Variants in FAM20C observed in about 807,000 individuals in gnomAD.
FAM20C encodes FAM20C golgi associated secretory pathway kinase, also known as extracellular serine/threonine protein kinase FAM20C.
FAM20C carries 40 observed loss-of-function variants against 51.5 expected under a neutral mutation model. The ratio of observed to expected loss-of-function variants is 0.78; its 90% confidence interval spans 0.60 to 1.01. FAM20C has a LOEUF of 1.01. FAM20C is among the 50% of genes least tolerant of loss of function. The probability of loss-of-function intolerance (pLI) is 0.00; values close to 1 mark genes in which losing one functional copy is unlikely to be tolerated. For missense variants in FAM20C, 861 were observed against 844.7 expected (o/e 1.02, Z -0.24); for synonymous variants, 406 against 380.6 (o/e 1.07, Z -0.78).
Position 193,041 on chromosome 7 carries a change from G to T in FAM20C, c.-159G>T. ...GGGACCCAGCGCTCCGGCGGCGGGC[G>T]CCCTGCACGCGGCCCGGGCCCGGGG... On this transcript the variant is annotated 5_prime_UTR_variant, in exon 1 of 10. Coordinates refer to ENST00000313766, the MANE Select transcript of FAM20C (RefSeq NM_020223.4). 1 of 398,456 alleles carries T rather than the reference G, an allele frequency of 2.5e-6. No individual in the cohort carries two copies. The highest frequency in any genetic ancestry group is 3.8e-6 in the Non-Finnish European group (1 of 266,046). 24.7% of individuals were successfully genotyped at this position (398,456 alleles called of 1,614,324 possible). A position where few individuals can be genotyped will look rare whatever the true frequency, so the allele number is the denominator to read the frequency against.
At chr7:259,005 A>C (rs937718501) in intron 9 of FAM20C, among the ~76,000 whole-genome samples, 1 of 152,224 alleles carries the variant, frequency 6.6e-6, no homozygotes, top group African/African-American at 2.4e-5. Context: ...CAGCTGAGAC[A>C]CAGGGACCCT....
In FAM20C at chr7:258,716, TGCCGGAGCCG is replaced by T. The variant is rs1173167890; in HGVS notation, c.1505+14_1505+23del. 1 of 1,533,514 alleles carries T rather than the reference TGCCGGAGCCG, an allele frequency of 6.5e-7. No homozygotes were observed. Among genetic ancestry groups the T allele is most frequent in the Non-Finnish European group, 8.7e-7 (1 of 1,144,588 alleles). 95.0% of individuals were successfully genotyped at this position (1,533,514 alleles called of 1,614,324 possible). ...ACAGCAGTGCTGCAGGTACAGCCCC[TGCCGGAGCCG>T]GCTCCAGCTCCACCCTCCTCCCTAC... is the stretch of plus-strand genomic sequence containing the variant. On this transcript the variant is annotated intron_variant, in intron 9 of 9. Transcript: ENST00000313766.
Position 208,953 on chromosome 7 carries a change from G to A in FAM20C, c.840G>A (p.Gly280=). The part of the protein sequence containing the change: ...LKLIMTFQNY[G]QALFKPMKQT... ...TCATCATGACCTTCCAGAATTACGG[G>A]CAAGCGCTGTTCAAACCCATGAAGT... The change falls in exon 3 of 10, where the codon GGG becomes GGA. Residue 280 remains glycine, a synonymous_variant. Coordinates refer to ENST00000313766, the MANE Select transcript of FAM20C (RefSeq NM_020223.4). The A allele has an allele frequency of 3.2e-6, 5 of 1,585,634 alleles. No individual in the cohort carries two copies. The highest frequency in any genetic ancestry group is 2.3e-5 in the South Asian group (2 of 86,482).
chr7:211,781 A>G (rs1216097514), intron 3 of FAM20C, among the ~76,000 whole-genome samples: 4 of 152,242 alleles, frequency 2.6e-5, no homozygotes, highest in Admixed American at 2.6e-4. Context: ...GGAAAGGGAA[A>G]GGATACGTCC....
intron 2 of FAM20C, among the ~76,000 whole-genome samples, chr7:208,658 G>A (rs574625532): frequency 6.6e-6 from 1 of 152,068 alleles, no homozygotes; most frequent in South Asian, 2.1e-4. Context: ...TAGGGGTCAG[G>A]CCCTTGGGTC....
At chr7:259,545 T>C (rs1788794261) in intron 9 of FAM20C, among the ~76,000 whole-genome samples, 186 bp from the exon 10 acceptor site, 4 of 152,184 alleles carry the variant, frequency 2.6e-5, no homozygotes, top group East Asian at 1.9e-4. Flanking sequence ...TCTCTCTCCC[T>C]CTCTTTCTCT....
At chr7:227,037 C>T (rs1008750955) in intron 3 of FAM20C, among the ~76,000 whole-genome samples, 1 of 152,222 alleles carries the variant, frequency 6.6e-6, no homozygotes, top group South Asian at 2.1e-4. Flanking sequence ...CTCCCCAGGC[C>T]GTCCGACCCT....
At chr7:212,892 G>A (rs28759272) in intron 3 of FAM20C, among the ~76,000 whole-genome samples, 18 of 152,108 alleles carry the variant, frequency 1.2e-4, no homozygotes, top group East Asian at 9.7e-4. Context: ...GTTCATCACC[G>A]CAGTTGATTT....
intron 3 of FAM20C, among the ~76,000 whole-genome samples, chr7:230,657 A>C (rs904998084): frequency 6.6e-6 from 1 of 152,212 alleles, no homozygotes; most frequent in African/African-American, 2.4e-5. Flanking sequence ...GCCTGGTATT[A>C]GATGAGTCGC....
intron 5 of FAM20C, among the ~76,000 whole-genome samples, chr7:249,237 TCGGCGAA>T (rs1403452158): frequency 2.6e-5 from 4 of 152,018 alleles, no homozygotes; most frequent in Admixed American, 6.6e-5. Flanking sequence ...CTCCCCCGCC[TCGGCGAA>T]GTGGCTGGAC....
chr7:193,726 C>G lies in FAM20C; in HGVS notation c.527C>G (p.Pro176Arg), dbSNP rs1226660428. The G allele has an allele frequency of 6.5e-7, 1 of 1,547,406 alleles. No homozygotes were observed. The highest frequency in any genetic ancestry group is 1.2e-5 in the South Asian group (1 of 83,968). The change falls in exon 1 of 10, where the codon CCG becomes CGG. Residue 176 changes from proline to arginine, a missense_variant. Physicochemically the swap from Pro to Arg is moderately radical, Grantham distance 103. Transcript: ENST00000313766. ...CCGCTTTACCGGGTGGCGGTTCCGC[C>G]GCTCACGGAGGAGGACGTCCTGTTC... ...EHPLYRVAVP[P>R]LTEEDVLFNV...
chr7:236,481 G>A lies in FAM20C; in HGVS notation c.864-9934G>A, dbSNP rs1205806129. 7.2e-5 allele frequency among the ~76,000 whole-genome samples: 11 copies of A among 152,294 alleles called. No individual in the cohort carries two copies. In the East Asian group the frequency reaches 7.7e-4, roughly 11 times the overall value. On this transcript the variant is annotated intron_variant, in intron 3 of 9. Transcript: ENST00000313766. ...ACCAGTAGACCCGATCTTCTCAGGC[G>A]TTTACTGGCTGCAAAAATTTCCCCC... is the stretch of plus-strand genomic sequence containing the variant.
At chr7:233,230 C>G (rs2115123107) in intron 3 of FAM20C, among the ~76,000 whole-genome samples, 1 of 152,206 alleles carries the variant, frequency 6.6e-6, no homozygotes, top group East Asian at 1.9e-4. Flanking sequence ...TTGTCACCCT[C>G]TCTCTGGCTC....
chr7:193,108 G>T lies in FAM20C; in HGVS notation c.-92G>T. 1.7e-6 allele frequency: 2 copies of T among 1,208,506 alleles called. No homozygotes were observed. The highest frequency in any genetic ancestry group is 1.7e-5 in the South Asian group (1 of 58,668). 74.9% of individuals were successfully genotyped at this position (1,208,506 alleles called of 1,614,324 possible). ...TAGCCGCCCGGCACCGATGGACCTT[G>T]ACCCGCGAGGCGGCGCCGCGCTCGT... On this transcript the variant is annotated 5_prime_UTR_variant, in exon 1 of 10. Transcript: ENST00000313766.
chr7:196,649 C>A (rs934360431), intron 2 of FAM20C, among the ~76,000 whole-genome samples: 41 of 152,204 alleles, frequency 2.7e-4, no homozygotes, highest in African/African-American at 9.4e-4. Flanking sequence ...GTCTCAGAAG[C>A]AACCTTGGTG....
At chr7:243,937 TA>T (rs1788040328) in intron 3 of FAM20C, among the ~76,000 whole-genome samples, 10 of 130,944 alleles carry the variant, frequency 7.6e-5, no homozygotes, top group African/African-American at 2.7e-4. Context: ...ATAATAATAA[TA>T]ATAATAATTA....
chr7:218,313 G>T (rs1393294431), intron 3 of FAM20C, among the ~76,000 whole-genome samples: 1 of 152,222 alleles, frequency 6.6e-6, no homozygotes. Flanking sequence ...TGGCAGCCGG[G>T]GCCCCTTTCC....
rs953659134 is a variant in FAM20C at position 222,334 on chromosome 7, A to G, written c.863+13358A>G. Among the ~76,000 whole-genome samples the G allele has an allele frequency of 5.9e-5, 9 of 152,164 alleles. 1 individual carries two copies. Among genetic ancestry groups the G allele is most frequent in the African/African-American group, 1.9e-4 (8 of 41,424 alleles). On this transcript the variant is annotated intron_variant, in intron 3 of 9. Transcript: ENST00000313766. The stretch of plus-strand genomic sequence containing the variant: ...TGAGGATGGAGGGACTTGGGTGTCC[A>G]GAGGAGCCCAGTGCTGCAGTTGGGT...
chr7:195,766 T>C (rs778330143), intron 2 of FAM20C, 34 bp downstream of exon 2: 41 of 1,506,238 alleles, frequency 2.7e-5, no homozygotes, highest in Non-Finnish European at 3.6e-5. Flanking sequence ...GGGCCGTCTG[T>C]GTGCCGGCTG....
Sources: allele counts gnomAD v4.1 joint callset (sites outside exome capture counted in the v4.1 genomes callset), GRCh38; gene constraint gnomAD v4.1.1; transcripts MANE v1.5; gene names NCBI Gene and HGNC (gene_info 2026-07-23, HGNC 2026-07-21).